The following DCC variants were observed in gnomAD, a reference collection of about 807,000 sequenced individuals.
DCC encodes DCC netrin 1 receptor.
In DCC, 58 loss-of-function variants were observed where a neutral mutation model predicts 172.5. The ratio of observed to expected loss-of-function variants is 0.34; its 90% confidence interval spans 0.27 to 0.42. The LOEUF (loss-of-function observed/expected upper bound fraction) is 0.42. DCC is among the 10% of genes least tolerant of loss of function. The pLI is 1.00. For missense variants in DCC, 1,740 were observed against 1,791.0 expected (o/e 0.97, Z 0.51); for synonymous variants, 709 against 644.5 (o/e 1.10, Z -1.52).
chr18:53,437,583 A>C (rs1171183849), intron 22 of DCC, among the ~76,000 whole-genome samples: 4 of 43,602 alleles, frequency 9.2e-5, no homozygotes, highest in Non-Finnish European at 2.5e-4. Flanking sequence ...GCTCCATCTC[A>C]AAAAAAAAAA....
chr18:52,446,911 TTTCAA>T (rs1370568024), intron 1 of DCC, among the ~76,000 whole-genome samples: 3 of 152,228 alleles, frequency 2.0e-5, no homozygotes, highest in African/African-American at 7.2e-5. Context: ...CAGAGAGACA[TTTCAA>T]TTCAATTGAT....
At chr18:52,723,675 G>A (rs147989817) in intron 1 of DCC, among the ~76,000 whole-genome samples, 2 of 152,284 alleles carry the variant, frequency 1.3e-5, no homozygotes, top group African/African-American at 2.4e-5. Flanking sequence ...TCTGTCTGAG[G>A]CTGGAGTCAG....
intron 7 of DCC, among the ~76,000 whole-genome samples, chr18:53,101,374 T>A (rs1269424715): frequency 1.3e-5 from 2 of 151,964 alleles, no homozygotes; most frequent in African/African-American, 2.4e-5. Flanking sequence ...CCTTAAGGAG[T>A]GAGCCATGAA....
chr18:53,102,514 T>G (rs960352970), intron 7 of DCC, among the ~76,000 whole-genome samples: 11 of 152,100 alleles, frequency 7.2e-5, no homozygotes, highest in African/African-American at 2.7e-4. Context: ...TTTTGATGTA[T>G]ATGTATTTCC....
At chr18:53,388,499 CAT>C (rs1200215845) in intron 16 of DCC, among the ~76,000 whole-genome samples, 1 of 152,240 alleles carries the variant, frequency 6.6e-6, no homozygotes, top group Non-Finnish European at 1.5e-5. Context: ...TTTCTGCACA[CAT>C]GTGCTCACAG....
intron 1 of DCC, among the ~76,000 whole-genome samples, chr18:52,540,163 C>T (rs2032398267): frequency 6.6e-6 from 1 of 152,166 alleles, no homozygotes; most frequent in Non-Finnish European, 1.5e-5. Context: ...TGGCCTGGAG[C>T]AGTGTCTTAT....
At chr18:53,397,000 T>C (rs748882832) in intron 17 of DCC, among the ~76,000 whole-genome samples, 8 of 151,890 alleles carry the variant, frequency 5.3e-5, no homozygotes, top group Non-Finnish European at 7.4e-5. Context: ...CTCATATGCC[T>C]GATCATATGG....
intron 2 of DCC, among the ~76,000 whole-genome samples, chr18:52,849,581 T>C (rs776861876): frequency 6.6e-6 from 1 of 152,194 alleles, no homozygotes; most frequent in African/African-American, 2.4e-5. Flanking sequence ...CAATATAGCA[T>C]CTTTTGTACC....
chr18:53,112,253 T>C (rs2043344176), intron 7 of DCC, among the ~76,000 whole-genome samples: 3 of 151,588 alleles, frequency 2.0e-5, no homozygotes, highest in Non-Finnish European at 4.4e-5. Context: ...ATAGCCCATT[T>C]TTCTATAGCA....
intron 9 of DCC, among the ~76,000 whole-genome samples, chr18:53,184,046 TAAG>T (rs1247381039): frequency 7.0e-6 from 1 of 143,098 alleles, no homozygotes; most frequent in Non-Finnish European, 1.5e-5. Context: ...CGGGATCAAA[TAAG>T]AACATAATTT....
intron 19 of DCC, among the ~76,000 whole-genome samples, chr18:53,403,110 ACACACACACG>A (rs1469809798): frequency 1.5e-5 from 2 of 132,200 alleles, no homozygotes; most frequent in African/African-American, 2.9e-5. Flanking sequence ...ACACACACAC[ACACACACACG>A]TCATTTGATT....
At chr18:52,551,580 G>A (rs916724197) in intron 1 of DCC, among the ~76,000 whole-genome samples, 4 of 151,914 alleles carry the variant, frequency 2.6e-5, no homozygotes, top group East Asian at 1.9e-4. Flanking sequence ...AGGGAAAGAT[G>A]TTCTTCCTAC....
rs185497005 is a variant in DCC, at chr18:52,355,672, G to A, written c.91+14794G>A. On this transcript the variant is annotated intron_variant, in intron 1 of 28. Coordinates refer to ENST00000442544, the MANE Select transcript of DCC (RefSeq NM_005215.4). Reference sequence around the variant, plus strand: ...TATTTAAACAGCATATAAACACACTGCCTCTGTTGTTTTAGTTAACAAAAT... The same window carrying A: ...TATTTAAACAGCATATAAACACACTACCTCTGTTGTTTTAGTTAACAAAAT... Among the ~76,000 whole-genome samples the A allele has an allele frequency of 4.6e-4, 70 of 152,250 alleles. No individual in the cohort carries two copies. The East Asian group carries it at 7.5e-3, about 16-fold the overall frequency.
At chr18:53,147,015 G>A (rs949834265) in intron 7 of DCC, among the ~76,000 whole-genome samples, 1 of 152,004 alleles carries the variant, frequency 6.6e-6, no homozygotes, top group Non-Finnish European at 1.5e-5. Flanking sequence ...AGTGACCAGG[G>A]GGAATACTGA....
chr18:53,174,107 A>T lies in DCC; in HGVS notation c.1419-4855A>T, dbSNP rs867538475. On this transcript the variant is annotated intron_variant, in intron 8 of 28. Transcript: ENST00000442544. ...GGGTACATAACGAAATGAAGGCAGAAATAAAGATGTTCTTTGAAACCAACG... is the reference window on the plus strand; with the variant it reads ...GGGTACATAACGAAATGAAGGCAGATATAAAGATGTTCTTTGAAACCAACG... 7.1e-3 allele frequency among the ~76,000 whole-genome samples: 1,002 copies of T among 140,390 alleles called. 16 individuals carry two copies. Among genetic ancestry groups the T allele is most frequent in the African/African-American group, 0.026 (944 of 36,718 alleles). 92.1% of individuals were successfully genotyped at this position (140,390 alleles called of 152,430 possible). A position where few individuals can be genotyped will look rare whatever the true frequency, so the allele number is the denominator to read the frequency against.
At chr18:52,802,643 CTTTTTTTTTTTTTTTTTTTT>C (rs776080029) in intron 2 of DCC, among the ~76,000 whole-genome samples, 4,177 of 38,208 alleles carry the variant, frequency 0.11, 212 homozygotes, top group South Asian at 0.32. Context: ...CACGCCAAGC[CTTTTTTTTTTTTTTTTTTTT>C]TTTTTTTTTT....
chr18:52,790,248 G>T (rs897876968), intron 2 of DCC, among the ~76,000 whole-genome samples: 2 of 152,138 alleles, frequency 1.3e-5, no homozygotes, highest in African/African-American at 4.8e-5. Context: ...TGAACAGGAG[G>T]CTTATGGGAT....
chr18:53,032,533 T>G (rs747263553), intron 5 of DCC, among the ~76,000 whole-genome samples: 30 of 152,332 alleles, frequency 2.0e-4, no homozygotes, highest in Middle Eastern at 3.4e-3. Flanking sequence ...AAAATTCTTT[T>G]AGGATTTAGG....
chr18:52,587,393 C>T (rs1028827635), intron 1 of DCC, among the ~76,000 whole-genome samples: 2 of 152,256 alleles, frequency 1.3e-5, no homozygotes, highest in South Asian at 2.1e-4. Context: ...ACGGGTCATC[C>T]TATCCACTTG....
Sources: gnomAD v4.1 joint callset for allele counts (sites outside exome capture counted in the v4.1 genomes callset) on GRCh38, gnomAD v4.1.1 for gene constraint, MANE v1.5 for transcripts, NCBI Gene and HGNC (gene_info 2026-07-23, HGNC 2026-07-21) for gene names.